ASXL2: variants seen among roughly 807,000 people sequenced by gnomAD.
ASXL2 encodes ASXL transcriptional regulator 2.
ASXL2 carries 23 observed loss-of-function variants against 122.0 expected under a neutral mutation model. The observed-to-expected ratio is 0.19, with a 90% CI of 0.14 to 0.27. ASXL2 has a LOEUF of 0.27. ASXL2 is among the 10% of genes least tolerant of loss of function. The pLI, the probability that ASXL2 is intolerant of heterozygous loss-of-function variation, is 1.00. For missense variants in ASXL2, 1,518 were observed against 1,713.8 expected, an observed-to-expected ratio of 0.89 and a Z score of 2.02; for synonymous variants, 650 against 637.0, an observed-to-expected ratio of 1.02 and a Z score of -0.31.
chr2:25,750,819 C>T (rs1388106119), intron 11 of ASXL2, among the ~76,000 whole-genome samples: 1 of 152,220 alleles, frequency 6.6e-6, no homozygotes, highest in Non-Finnish European at 1.5e-5. Context: ...GCATGCATCA[C>T]AGACTACCTG....
chr2:25,849,452 C>CAAAAAAA (rs34833277), intron 1 of ASXL2, among the ~76,000 whole-genome samples: 1 of 70,652 alleles, frequency 1.4e-5, no homozygotes, highest in Non-Finnish European at 2.7e-5. Flanking sequence ...GACTCTGACT[C>CAAAAAAA]AAAAAAAAAA....
rs1192443177 is a variant in ASXL2 at position 25,844,379 on chromosome 2, GAGAA to G, written c.140+1098_140+1101del. Among the ~76,000 whole-genome samples the G allele has an allele frequency of 9.1e-4, 139 of 152,222 alleles. 1 individual carries two copies. In the East Asian group the frequency reaches 0.021, roughly 23 times the overall value. Reference sequence around the variant, plus strand: ...GCAGATTGCCTGAGCTCAGGAGTCTGAGAACAGCCTGGGCAAAATGGTGAAACCC... The same window carrying G: ...GCAGATTGCCTGAGCTCAGGAGTCTGCAGCCTGGGCAAAATGGTGAAACCC... On this transcript the variant is annotated intron_variant, in intron 2 of 12. Transcript: ENST00000435504.
chr2:25,849,053 A>G (rs2089685389), intron 1 of ASXL2, among the ~76,000 whole-genome samples: 1 of 108,052 alleles, frequency 9.3e-6, no homozygotes, highest in Admixed American at 9.7e-5. Context: ...CTCAAAAAAA[A>G]AAAAAATTTA....
At chr2:25,861,134 T>C (rs1324134452) in intron 1 of ASXL2, among the ~76,000 whole-genome samples, 2 of 151,996 alleles carry the variant, frequency 1.3e-5, no homozygotes, top group African/African-American at 2.4e-5. Context: ...CAGAAAACAA[T>C]GAAATTGAAA....
intron 9 of ASXL2, among the ~76,000 whole-genome samples, chr2:25,759,099 C>T (rs1422272997): frequency 2.6e-5 from 4 of 152,022 alleles, no homozygotes; most frequent in Admixed American, 6.6e-5. Flanking sequence ...GGATTACAGG[C>T]GCCCACCACC....
chr2:25,826,663 C>T (rs1329052476), intron 3 of ASXL2, among the ~76,000 whole-genome samples: 1 of 146,638 alleles, frequency 6.8e-6, no homozygotes, highest in African/African-American at 2.5e-5. Flanking sequence ...AATGATTAAT[C>T]ATTTTCCCTA....
intron 4 of ASXL2, among the ~76,000 whole-genome samples, chr2:25,800,253 G>A (rs1009969750): frequency 2.0e-5 from 3 of 152,188 alleles, no homozygotes; most frequent in East Asian, 1.9e-4. Flanking sequence ...AGCTGTGATC[G>A]TACTACTGCA....
At chr2:25,763,891 G>C (rs1034175846) in intron 8 of ASXL2, among the ~76,000 whole-genome samples, 3 of 152,082 alleles carry the variant, frequency 2.0e-5, no homozygotes, top group African/African-American at 7.2e-5. Flanking sequence ...TGCCACACAG[G>C]CATAAGCATC....
At chr2:25,816,460 T>A (rs1474566995) in intron 3 of ASXL2, among the ~76,000 whole-genome samples, 1 of 152,086 alleles carries the variant, frequency 6.6e-6, no homozygotes, top group East Asian at 1.9e-4. Flanking sequence ...ATTTGATCAA[T>A]GAAATAAGAG....
intron 3 of ASXL2, among the ~76,000 whole-genome samples, chr2:25,829,585 C>T (rs756408351): frequency 1.3e-5 from 2 of 152,184 alleles, no homozygotes; most frequent in Non-Finnish European, 2.9e-5. Context: ...ACCAGAGTTA[C>T]CAGTCCTGAT....
intron 9 of ASXL2, among the ~76,000 whole-genome samples, chr2:25,757,869 C>T (rs1206139093): frequency 6.6e-6 from 1 of 150,504 alleles, no homozygotes; most frequent in Non-Finnish European, 1.5e-5. Context: ...TAAACAGGCC[C>T]TCAGTTACAT....
intron 1 of ASXL2, among the ~76,000 whole-genome samples, chr2:25,870,606 A>G (rs1008935005): frequency 6.6e-6 from 1 of 152,162 alleles, no homozygotes; most frequent in Non-Finnish European, 1.5e-5. Context: ...CAGGAGGTCA[A>G]GGCTTCAGTA....
chr2:25,833,133 G>T (rs139976498), intron 3 of ASXL2, among the ~76,000 whole-genome samples: 15 of 152,176 alleles, frequency 9.9e-5, no homozygotes, highest in African/African-American at 3.6e-4. Flanking sequence ...ATCTATACAC[G>T]TGATAAAACC....
intron 12 of ASXL2, among the ~76,000 whole-genome samples, chr2:25,746,825 T>C (rs1221102632): frequency 2.0e-5 from 3 of 152,190 alleles, no homozygotes; most frequent in African/African-American, 7.2e-5. Context: ...TGTCCAGGCA[T>C]TGATAACAAT....
At chr2:25,778,108 T>C (rs1435176464) in intron 5 of ASXL2, among the ~76,000 whole-genome samples, 2 of 152,206 alleles carry the variant, frequency 1.3e-5, no homozygotes, top group Non-Finnish European at 2.9e-5. Flanking sequence ...TATAGCTGGC[T>C]GATAATGGTG....
intron 1 of ASXL2, among the ~76,000 whole-genome samples, chr2:25,868,952 G>A (rs1286960408): frequency 6.6e-6 from 1 of 151,990 alleles, no homozygotes; most frequent in Non-Finnish European, 1.5e-5. Flanking sequence ...ATCACCTCAG[G>A]TCAGGAGTTC....
chr2:25,864,085 AAAAAGT>A (rs1185066195), intron 1 of ASXL2, among the ~76,000 whole-genome samples: 1 of 152,094 alleles, frequency 6.6e-6, no homozygotes, highest in East Asian at 1.9e-4. Flanking sequence ...GGAATTTCAG[AAAAAGT>A]AAGCAACAAA....
At chr2:25,818,971 G>C (rs557828848) in intron 3 of ASXL2, among the ~76,000 whole-genome samples, 3 of 152,130 alleles carry the variant, frequency 2.0e-5, no homozygotes, top group African/African-American at 4.8e-5. Flanking sequence ...CAGTGTCCTC[G>C]CTTGATGACT....
chr2:25,767,868 A>G (rs1435487744), intron 7 of ASXL2, 142 bp from the exon 8 acceptor site: 1 of 965,584 alleles, frequency 1.0e-6, no homozygotes, highest in East Asian at 2.5e-5. Flanking sequence ...TTGAAAATTA[A>G]AGTCAAAGAG....
Sources: gnomAD v4.1 joint callset for allele counts (sites outside exome capture counted in the v4.1 genomes callset) on GRCh38, gnomAD v4.1.1 for gene constraint, MANE v1.5 for transcripts, NCBI Gene and HGNC (gene_info 2026-07-23, HGNC 2026-07-21) for gene names.